GRIK4: variants seen among roughly 807,000 people sequenced by gnomAD.
The protein encoded by GRIK4 is glutamate ionotropic receptor kainate type subunit 4, also known as glutamate receptor ionotropic, kainate 4.
In GRIK4, 40 loss-of-function variants were observed where a neutral mutation model predicts 104.9. The ratio of observed to expected loss-of-function variants is 0.38; its 90% CI spans 0.30 to 0.50. The LOEUF is 0.50. Among genes scored for constraint, GRIK4 ranks in the 20% least tolerant of loss-of-function variants. The probability of loss-of-function intolerance (pLI) is 0.93; values close to 1 mark genes in which losing one functional copy is unlikely to be tolerated. For missense variants in GRIK4, 1,047 were observed against 1,308.1 expected, an observed-to-expected ratio of 0.80 and a Z score of 3.08; for synonymous variants, 485 against 524.9, an observed-to-expected ratio of 0.92 and a Z score of 1.04.
intron 2 of GRIK4, 90 bp from the exon 3 acceptor site, chr11:120,660,179 C>T (rs1011284793): frequency 3.1e-6 from 2 of 641,428 alleles, no homozygotes; most frequent in Non-Finnish European, 5.6e-6. Flanking sequence ...GACAAAGGGG[C>T]CTCTCCGGCT....
At chr11:120,845,811 A>G (rs1310902644) in intron 8 of GRIK4, among the ~76,000 whole-genome samples, 2 of 152,160 alleles carry the variant, frequency 1.3e-5, no homozygotes, top group East Asian at 1.9e-4. Context: ...TAGGAGAACC[A>G]CTCTGCATAA....
chr11:120,669,438 C>T (rs527245896), intron 3 of GRIK4, among the ~76,000 whole-genome samples: 1 of 152,286 alleles, frequency 6.6e-6, no homozygotes, highest in South Asian at 2.1e-4. Context: ...TTTTCTTCTT[C>T]CTTTTACAGC....
chr11:120,656,690 A>G (rs1177894390), intron 2 of GRIK4, among the ~76,000 whole-genome samples: 1 of 152,180 alleles, frequency 6.6e-6, no homozygotes, highest in Non-Finnish European at 1.5e-5. Context: ...GTGAAGTCCC[A>G]TCTCCACTAA....
intron 13 of GRIK4, among the ~76,000 whole-genome samples, chr11:120,919,185 G>A (rs777744962): frequency 6.6e-5 from 10 of 151,666 alleles, no homozygotes; most frequent in Non-Finnish European, 1.3e-4. Flanking sequence ...CAGAGGGAAC[G>A]GTGTGAGGTC....
rs548468015 is a variant in GRIK4, at chr11:120,610,796, C to T, written c.-158-42889C>T. Among the ~76,000 whole-genome samples, 7 of 152,180 alleles carry T rather than the reference C, an allele frequency of 4.6e-5. No individual in the cohort carries two copies. The East Asian group carries it at 1.4e-3, about 29-fold the overall frequency. ...GAACTCTGGGATTTGCCCATTCTGC[C>T]CTAGGGAGGTCCCCCTCCCCAGCAA... is the stretch of plus-strand genomic sequence containing the variant. On this transcript the variant is annotated intron_variant, in intron 1 of 20. Transcript: ENST00000527524.
intron 3 of GRIK4, among the ~76,000 whole-genome samples, chr11:120,745,357 A>G (rs1399625535): frequency 6.6e-6 from 1 of 152,228 alleles, no homozygotes; most frequent in African/African-American, 2.4e-5. Flanking sequence ...AGAATGGGGA[A>G]CATTCCATAC....
rs115262305 is a variant in GRIK4 at position 120,898,575 on chromosome 11, A to G, written c.1208A>G (p.His403Arg). 574 of 1,612,748 alleles carry G rather than the reference A, an allele frequency of 3.6e-4. 2 individuals are homozygous for G. In the African/African-American group the frequency reaches 6.8e-3, roughly 19 times the overall value. Residue 403 changes from histidine to arginine, a missense_variant, in exon 12 of 21, where the codon CAC (histidine) becomes CGC (arginine). Coordinates refer to ENST00000527524, the MANE Select transcript of GRIK4 (RefSeq NM_014619.5). ...HVAEGLSMDS[H>R]LYASNISDTL... ...GCAGAGGGCCTCAGCATGGACAGCC[A>G]CCTCTATGCCTCCAACATCTCGGAC...
chr11:120,681,004 G>A (rs1950183953), intron 3 of GRIK4, among the ~76,000 whole-genome samples: 2 of 152,162 alleles, frequency 1.3e-5, no homozygotes, highest in Non-Finnish European at 2.9e-5. Flanking sequence ...TGCACTGCCT[G>A]GCCCTGATGC....
chr11:120,985,405 TA>T (rs1198631923), intron 20 of GRIK4, among the ~76,000 whole-genome samples: 2 of 152,330 alleles, frequency 1.3e-5, no homozygotes, highest in African/African-American at 4.8e-5. Context: ...CACCTCCTGC[TA>T]TAACCAGTTG....
intron 3 of GRIK4, among the ~76,000 whole-genome samples, chr11:120,744,116 C>T (rs951715486): frequency 3.3e-5 from 5 of 152,154 alleles, no homozygotes; most frequent in Admixed American, 2.0e-4. Context: ...GTGCAAAGCG[C>T]TTTGCAGTGA....
At chr11:120,673,448 C>T (rs1950052767) in intron 3 of GRIK4, among the ~76,000 whole-genome samples, 1 of 152,158 alleles carries the variant, frequency 6.6e-6, no homozygotes, top group African/African-American at 2.4e-5. Flanking sequence ...TTGTCTGATC[C>T]CTGCAGCCAA....
At chr11:120,619,423 A>G (rs1303153916) in intron 1 of GRIK4, among the ~76,000 whole-genome samples, 1 of 152,202 alleles carries the variant, frequency 6.6e-6, no homozygotes, top group African/African-American at 2.4e-5. Context: ...TAATGCTGGA[A>G]TGAGTTAAGA....
chr11:120,988,389 A>G lies in GRIK4; in HGVS notation c.*2129A>G, dbSNP rs1944792009. 1 of 152,142 alleles carries G rather than the reference A, an allele frequency of 6.6e-6. No homozygotes were observed. Among genetic ancestry groups the G allele is most frequent in the Non-Finnish European group, 1.5e-5 (1 of 68,044 alleles). The allele number at this position is 152,142 out of a possible 1,614,324, so 9.4% of individuals were successfully genotyped here. On this transcript the variant is annotated 3_prime_UTR_variant, in exon 21 of 21. Transcript: ENST00000527524. ...GCTTCTCACAGACAACGTGGTTCCT[A>G]CTGTCAGATCACATTTGGGGCGGGA...
Position 120,818,200 on chromosome 11 carries a change from C to A in GRIK4, c.346-1555C>A, listed in dbSNP as rs576516639. 3.3e-5 allele frequency among the ~76,000 whole-genome samples: 5 copies of A among 152,314 alleles called. No individual in the cohort carries two copies. The South Asian group carries it at 1.0e-3, about 32-fold the overall frequency. On this transcript the variant is annotated intron_variant, in intron 5 of 20. Coordinates refer to ENST00000527524, the MANE Select transcript of GRIK4 (RefSeq NM_014619.5). ...CTAAGGGGTTGTGCTCTATTGGATT[C>A]GCTGCTAATGGAATGTGGTAGGCTA... is the stretch of plus-strand genomic sequence containing the variant.
chr11:120,851,446 G>C (rs1327738726), intron 8 of GRIK4, among the ~76,000 whole-genome samples: 3 of 152,150 alleles, frequency 2.0e-5, no homozygotes, highest in African/African-American at 4.8e-5. Flanking sequence ...AGCAATTCTG[G>C]TAGAAAAGAC....
Position 120,902,140 on chromosome 11 carries a change from G to A in GRIK4, c.1273-3150G>A, listed in dbSNP as rs1030154285. Among the ~76,000 whole-genome samples the A allele has an allele frequency of 3.3e-5, 5 of 152,126 alleles. No individual in the cohort carries two copies. Among genetic ancestry groups the A allele is most frequent in the African/African-American group, 4.8e-5 (2 of 41,428 alleles). On this transcript the variant is annotated intron_variant, in intron 12 of 20. Coordinates refer to ENST00000527524, the MANE Select transcript of GRIK4 (RefSeq NM_014619.5). This position sits in a 1 kb window ranked among gnomAD's most constrained non-coding sequence, Gnocchi z 4.5. Reference sequence around the variant, plus strand: ...CAGCACACATTCATGTTGTCTCCCCGCTCTGGTCAGGGCACACTTGGGGAC... The same window carrying A: ...CAGCACACATTCATGTTGTCTCCCCACTCTGGTCAGGGCACACTTGGGGAC...
At chr11:120,602,815 G>A (rs189497732) in intron 1 of GRIK4, among the ~76,000 whole-genome samples, 2 of 152,116 alleles carry the variant, frequency 1.3e-5, no homozygotes, top group South Asian at 2.1e-4. Context: ...CAATCCTCCC[G>A]TCTCAGCCTC....
At chr11:120,659,545 A>G (rs1949776724) in intron 2 of GRIK4, among the ~76,000 whole-genome samples, 2 of 152,198 alleles carry the variant, frequency 1.3e-5, no homozygotes, top group Non-Finnish European at 2.9e-5. Context: ...GAGCCGAGAC[A>G]CAGAGGGGAC....
intron 3 of GRIK4, among the ~76,000 whole-genome samples, chr11:120,696,420 C>T (rs1421261554): frequency 2.0e-5 from 3 of 149,394 alleles, no homozygotes; most frequent in African/African-American, 7.4e-5. Flanking sequence ...GGGAGAGCTT[C>T]CTAGGGGAGG....
Sources: gnomAD v4.1 joint callset for allele counts (sites outside exome capture counted in the v4.1 genomes callset) on GRCh38, gnomAD v4.1.1 for gene constraint, Gnocchi (gnomAD v3.1) non-coding constraint, MANE v1.5 for transcripts, NCBI Gene and HGNC (gene_info 2026-07-23, HGNC 2026-07-21) for gene names.